NTRK2: variants seen among roughly 807,000 people sequenced by gnomAD.
NTRK2 encodes neurotrophic receptor tyrosine kinase 2, also known as BDNF/NT-3 growth factors receptor.
In NTRK2, 13 loss-of-function variants were observed where a neutral mutation model predicts 94.5. That is an observed-to-expected ratio of 0.14 (90% CI 0.09 to 0.22). NTRK2 has a LOEUF of 0.22. Among genes scored for constraint, NTRK2 ranks in the 10% least tolerant of loss-of-function variants. The pLI is 1.00. For missense variants in NTRK2, 639 were observed against 1,071.2 expected (o/e 0.60, Z 5.63); for synonymous variants, 372 against 407.4 (o/e 0.91, Z 1.05).
intron 12 of NTRK2, chr9:84,813,987 A>C: frequency 4.7e-6 from 5 of 1,065,338 alleles, no homozygotes; most frequent in Non-Finnish European, 5.7e-6. Flanking sequence ...TGACGACAAA[A>C]GTACAAACAG....
intron 12 of NTRK2, among the ~76,000 whole-genome samples, chr9:84,796,063 A>T (rs2069289798): frequency 6.6e-6 from 1 of 151,990 alleles, no homozygotes. Flanking sequence ...GAATTGTGTC[A>T]CATGGGATTG....
At chr9:84,797,517 AT>A (rs2069480837) in intron 12 of NTRK2, among the ~76,000 whole-genome samples, 1 of 106,120 alleles carries the variant, frequency 9.4e-6, no homozygotes, top group South Asian at 2.5e-4. Flanking sequence ...AATTACTATT[AT>A]TATTACTATA....
intron 2 of NTRK2, among the ~76,000 whole-genome samples, chr9:84,683,452 G>A (rs1021912704): frequency 2.0e-5 from 3 of 152,004 alleles, no homozygotes; most frequent in Non-Finnish European, 2.9e-5. Context: ...TTGGTTTTCT[G>A]TTCCTGTGTT....
Position 84,869,368 on chromosome 9 carries a change from T to C in NTRK2, c.1633+1937T>C, listed in dbSNP as rs116166849. Among the ~76,000 whole-genome samples the C allele has an allele frequency of 5.9e-3, 894 of 152,240 alleles. 13 individuals are homozygous for C. The highest frequency in any genetic ancestry group is 0.02 in the African/African-American group (838 of 41,542). ...ACCGCAATGTCCCAGCTTAGTGTCC[T>C]CAGTCACTCCACACCATATATCAAA... On this transcript the variant is annotated intron_variant, in intron 14 of 18. Coordinates refer to ENST00000277120, the MANE Select transcript of NTRK2 (RefSeq NM_006180.6).
intron 2 of NTRK2, among the ~76,000 whole-genome samples, chr9:84,676,273 T>G (rs2059046925): frequency 6.6e-6 from 1 of 152,156 alleles, no homozygotes; most frequent in African/African-American, 2.4e-5. Context: ...GATAAGGAAG[T>G]GTATACATCA....
chr9:84,791,246 C>T (rs916826358), intron 12 of NTRK2, among the ~76,000 whole-genome samples: 2 of 152,152 alleles, frequency 1.3e-5, no homozygotes, highest in Non-Finnish European at 2.9e-5. Context: ...CCAAAGTCCT[C>T]TCATTACTTG....
intron 12 of NTRK2, among the ~76,000 whole-genome samples, chr9:84,753,946 ATCACTGGCAGAATTACCAG>A (rs902559639): frequency 1.3e-5 from 2 of 152,212 alleles, no homozygotes; most frequent in Non-Finnish European, 1.5e-5. Flanking sequence ...GTTTAGGAAA[ATCACTGGCAGAATTACCAG>A]TAAATGGCAA....
At chr9:84,869,583 G>A (rs777953914) in intron 14 of NTRK2, among the ~76,000 whole-genome samples, 2 of 151,036 alleles carry the variant, frequency 1.3e-5, no homozygotes, top group Admixed American at 6.6e-5. Flanking sequence ...CTTTATCTTC[G>A]GTGTATCTGT....
intron 17 of NTRK2, among the ~76,000 whole-genome samples, chr9:85,019,343 A>G (rs1588205534): frequency 6.6e-6 from 1 of 152,144 alleles, no homozygotes; most frequent in African/African-American, 2.4e-5. Context: ...AGCAGAACCT[A>G]CCGCCACAGG....
chr9:84,803,409 G>A lies in NTRK2; in HGVS notation c.1396+51324G>A, dbSNP rs2070730511. Among the ~76,000 whole-genome samples the A allele has an allele frequency of 2.6e-5, 4 of 152,206 alleles. No individual in the cohort carries two copies. In the South Asian group the frequency reaches 8.3e-4, roughly 32 times the overall value. On this transcript the variant is annotated intron_variant, in intron 12 of 18. Transcript: ENST00000277120. ...CCTCCCCATCAGGGGTCACACATCT[G>A]CCTGCAGCAGCGTCAGAAGCAGATA...
intron 17 of NTRK2, among the ~76,000 whole-genome samples, chr9:84,967,163 G>A (rs1360542259): frequency 2.0e-5 from 3 of 152,166 alleles, no homozygotes. Flanking sequence ...AGGTAATGTT[G>A]TCAAAGACAT....
At chr9:85,017,632 C>T (rs1361527157) in intron 17 of NTRK2, among the ~76,000 whole-genome samples, 1 of 152,108 alleles carries the variant, frequency 6.6e-6, no homozygotes, top group African/African-American at 2.4e-5. Context: ...CTTTAATAAG[C>T]CTCAGTCCCT....
intron 14 of NTRK2, among the ~76,000 whole-genome samples, chr9:84,928,796 G>A (rs1010642058): frequency 6.6e-6 from 1 of 152,170 alleles, no homozygotes; most frequent in Non-Finnish European, 1.5e-5. Context: ...GGGAAACCGA[G>A]AGAGAGAATT....
At chr9:84,999,386 T>G (rs1008775352) in intron 17 of NTRK2, among the ~76,000 whole-genome samples, 9 of 152,224 alleles carry the variant, frequency 5.9e-5, no homozygotes, top group Non-Finnish European at 8.8e-5. Flanking sequence ...AAAATTGTAT[T>G]CTAATGTCTT....
chr9:84,894,298 C>T (rs780157109), intron 14 of NTRK2, among the ~76,000 whole-genome samples: 6 of 152,212 alleles, frequency 3.9e-5, no homozygotes, highest in African/African-American at 4.8e-5. Flanking sequence ...TAGTTTAACG[C>T]GACACAGTTC....
chr9:84,921,328 A>G (rs1374931439), intron 14 of NTRK2, among the ~76,000 whole-genome samples: 3 of 152,256 alleles, frequency 2.0e-5, no homozygotes, highest in African/African-American at 7.2e-5. Flanking sequence ...TGACAGAAGC[A>G]TACAAAACAA....
At position 84,867,287 on chromosome 9, in the gene NTRK2, C is replaced by A; in HGVS notation, c.1489C>A (p.Leu497Ile). Reference sequence around the variant, plus strand: ...CAATGATGATGACTCTGCCAGCCCACTCCATCACATCTCCAATGGGAGTAA... The same window carrying A: ...CAATGATGATGACTCTGCCAGCCCAATCCATCACATCTCCAATGGGAGTAA... Reference protein sequence around the residue: ...ISNDDDSASPLHHISNGSNTP... With the variant: ...ISNDDDSASPIHHISNGSNTP... Residue 497 changes from leucine (L) to isoleucine (I), a missense_variant, in exon 14 of 19, where the codon CTC (leucine) becomes ATC (isoleucine). Physicochemically the swap from Leu to Ile is conservative, Grantham distance 5. Around this residue, in one of 5 missense-constraint regions of NTRK2, gnomAD observed 343 missense variants for 571.5 expected, o/e 0.60. Transcript: ENST00000277120. 2 of 1,614,134 alleles carry A rather than the reference C, an allele frequency of 1.2e-6. No individual in the cohort carries two copies. The highest frequency in any genetic ancestry group is 1.7e-6 in the Non-Finnish European group (2 of 1,179,964).
intron 12 of NTRK2, among the ~76,000 whole-genome samples, chr9:84,774,696 C>T (rs371426855): frequency 3.3e-5 from 5 of 152,296 alleles, no homozygotes; most frequent in African/African-American, 9.6e-5. Context: ...ACACATTCTG[C>T]GTCAGCATAT....
chr9:84,955,582 G>A (rs1165552977), intron 17 of NTRK2, 65 bp downstream of exon 17: 1 of 1,299,056 alleles, frequency 7.7e-7, no homozygotes, highest in Admixed American at 1.8e-5. Flanking sequence ...TGCTGTATTT[G>A]TTTGCTGAGG....
Sources: allele counts gnomAD v4.1 joint callset (sites outside exome capture counted in the v4.1 genomes callset), GRCh38; gene constraint gnomAD v4.1.1; regional missense constraint gnomAD v4.1.1; transcripts MANE v1.5; gene names NCBI Gene and HGNC (gene_info 2026-07-23, HGNC 2026-07-21).